The following LAMA4 variants were observed in gnomAD, a reference collection of about 807,000 sequenced individuals.
LAMA4 encodes laminin subunit alpha-4.
Under a neutral mutation model 207.1 loss-of-function variants are expected in LAMA4, and 127 were observed. The observed-to-expected ratio is 0.61, with a 90% confidence interval of 0.53 to 0.71. The LOEUF (loss-of-function observed/expected upper bound fraction) is 0.71. Ranked by LOEUF, LAMA4 falls within the 30% of genes least tolerant of loss-of-function variation. The pLI, the probability that LAMA4 is intolerant of heterozygous loss-of-function variation, is 0.00. For synonymous variants in LAMA4, 761 were observed against 816.0 expected (o/e 0.93, Z 1.15); for missense variants, 2,093 against 2,246.5 (o/e 0.93, Z 1.38).
At chr6:112,253,718 T>C in intron 2 of LAMA4, 1 of 1,602,100 alleles carries the variant, frequency 6.2e-7, no homozygotes, top group East Asian at 2.2e-5. Context: ...CACCAACACA[T>C]GCACTCTCAC....
intron 16 of LAMA4, 136 bp from the exon 17 acceptor site, chr6:112,150,763 A>C (rs1179678872): frequency 1.4e-6 from 1 of 728,566 alleles, no homozygotes; most frequent in African/African-American, 1.7e-5. Flanking sequence ...CTCTGAACAT[A>C]GATCAACAAT....
chr6:112,167,389 A>G (rs1490838088), intron 12 of LAMA4, among the ~76,000 whole-genome samples: 1 of 152,150 alleles, frequency 6.6e-6, no homozygotes, highest in Non-Finnish European at 1.5e-5. Context: ...GTGACAGAGT[A>G]AGACTGTGTC....
chr6:112,174,102 T>C (rs1781877165), intron 11 of LAMA4, among the ~76,000 whole-genome samples: 1 of 152,236 alleles, frequency 6.6e-6, no homozygotes, highest in Non-Finnish European at 1.5e-5. Context: ...CTTCCATTGA[T>C]TGTGTAGATT....
At chr6:112,246,017 A>G (rs576261014) in intron 2 of LAMA4, among the ~76,000 whole-genome samples, 154 of 152,326 alleles carry the variant, frequency 1.0e-3, no homozygotes, top group African/African-American at 3.5e-3. Context: ...ACTCAGATTC[A>G]GAGCCGAACT....
intron 2 of LAMA4, among the ~76,000 whole-genome samples, chr6:112,217,460 C>T (rs1239553067): frequency 6.6e-6 from 1 of 152,142 alleles, no homozygotes; most frequent in Non-Finnish European, 1.5e-5. Context: ...GATTTCACAT[C>T]ATACACCCCC....
At position 112,129,784 on chromosome 6, in the gene LAMA4, T is replaced by C. The variant is rs545198537; in HGVS notation, c.4133+92A>G. The C allele has an allele frequency of 6.7e-6, 7 of 1,040,380 alleles. No individual in the cohort carries two copies. The South Asian group carries it at 8.6e-5, about 13-fold the overall frequency. The allele number at this position is 1,040,380 out of a possible 1,614,324, so 64.4% of individuals were successfully genotyped here. On this transcript the variant is annotated intron_variant, in intron 30 of 38. Coordinates refer to ENST00000230538, the MANE Select transcript of LAMA4 (RefSeq NM_001105206.3). ...AATTACTATCCCCTAATGCCTCAGA[T>C]ACATTTCATAGTTCTCAGTTTTAAT...
intron 2 of LAMA4, among the ~76,000 whole-genome samples, chr6:112,240,725 A>AT (rs1267512721): frequency 1.3e-5 from 2 of 152,032 alleles, no homozygotes; most frequent in African/African-American, 4.8e-5. Context: ...GCTGGATCTC[A>AT]TTTTTTTATG....
intron 2 of LAMA4, chr6:112,219,005 T>A (rs1399482625): frequency 6.6e-6 from 1 of 152,236 alleles, no homozygotes; most frequent in East Asian, 1.9e-4. Context: ...CTCCCTGGAA[T>A]GGAGTTTTTA....
At chr6:112,200,131 A>G (rs1783649228) in intron 5 of LAMA4, 1 of 533,206 alleles carries the variant, frequency 1.9e-6, no homozygotes, top group Non-Finnish European at 3.8e-6. Context: ...GAAATATCTT[A>G]CCGAGTCATT....
At chr6:112,189,266 AT>A in intron 6 of LAMA4, 61 bp from the exon 7 acceptor site, 1 of 1,183,458 alleles carries the variant, frequency 8.4e-7, no homozygotes, top group East Asian at 2.4e-5. Context: ...ATATGGCAAT[AT>A]TTTCCTGGTT....
intron 2 of LAMA4, among the ~76,000 whole-genome samples, chr6:112,232,532 T>C (rs868973903): frequency 6.6e-6 from 1 of 152,244 alleles, no homozygotes; most frequent in Non-Finnish European, 1.5e-5. Context: ...ATAAATAGCA[T>C]AATGTGTACA....
intron 3 of LAMA4, among the ~76,000 whole-genome samples, chr6:112,209,125 G>A (rs1784227845): frequency 1.3e-5 from 2 of 152,156 alleles, no homozygotes; most frequent in Admixed American, 1.3e-4. Context: ...AAAAACCAAT[G>A]AGCCTTACCC....
In LAMA4 at chr6:112,191,548, T is replaced by A. The variant is rs1208343262; in HGVS notation, c.718+88A>T. The A allele has an allele frequency of 2.1e-5, 21 of 991,888 alleles. No homozygotes were observed. The Middle Eastern group carries it at 1.2e-3, about 56-fold the overall frequency. 61.4% of individuals were successfully genotyped at this position (991,888 alleles called of 1,614,324 possible). ...AGTGACAAGGGGGCACTCACAATACTTCCCCAAGAGAAATTCTTCATCTAA... is the reference window on the plus strand; with the variant it reads ...AGTGACAAGGGGGCACTCACAATACATCCCCAAGAGAAATTCTTCATCTAA... On this transcript the variant is annotated intron_variant, in intron 6 of 38. Coordinates refer to ENST00000230538, the MANE Select transcript of LAMA4 (RefSeq NM_001105206.3).
In LAMA4 at chr6:112,117,714, A is replaced by G. The variant is rs587730298; in HGVS notation, c.4981+25T>C. ...TCCAGGAAGAAGCATTTCATGACTCATATTTTTAACATGACTAATGTTACC... is the reference window on the plus strand; with the variant it reads ...TCCAGGAAGAAGCATTTCATGACTCGTATTTTTAACATGACTAATGTTACC... On this transcript the variant is annotated intron_variant, in intron 35 of 38. Coordinates refer to ENST00000230538, the MANE Select transcript of LAMA4 (RefSeq NM_001105206.3). This position sits in a 1 kb window ranked among gnomAD's most constrained non-coding sequence, Gnocchi z 4.5. 12 of 1,607,510 alleles carry G rather than the reference A, an allele frequency of 7.5e-6. No homozygotes were observed. In the South Asian group the frequency reaches 9.9e-5, roughly 13 times the overall value.
In LAMA4 at chr6:112,190,871, TTTTCTTTCTTTCTTTCTTTCTTTCTTTC is replaced by T. The variant is rs1173465019; in HGVS notation, c.718+737_718+764del. ...CTGATTTGAACCATGCAAGGTTTCT[TTTTCTTTCTTTCTTTCTTTCTTTCTTTC>T]TTTCTTTCTTTCTTTCTTTCTTTCT... On this transcript the variant is annotated intron_variant, in intron 6 of 38. Coordinates refer to ENST00000230538, the MANE Select transcript of LAMA4 (RefSeq NM_001105206.3). 1.4e-3 allele frequency among the ~76,000 whole-genome samples: 131 copies of T among 91,592 alleles called. 1 individual carries two copies. Among genetic ancestry groups the T allele is most frequent in the Non-Finnish European group, 2.0e-3 (85 of 43,440 alleles). The allele number at this position is 91,592 out of a possible 152,430, so 60.1% of individuals were successfully genotyped here.
Position 112,190,949 on chromosome 6 carries a change from TTTCTTTC to T in LAMA4, c.718+680_718+686del, listed in dbSNP as rs1562714855. On this transcript the variant is annotated intron_variant, in intron 6 of 38. Transcript: ENST00000230538. ...TTTCTTTCTTTCTTTCTTTCTTTCC[TTTCTTTC>T]TTTCTTTCTTTCTTTCTTTCTTTCT... is the stretch of plus-strand genomic sequence containing the variant. Among the ~76,000 whole-genome samples the T allele has an allele frequency of 9.5e-4, 82 of 86,352 alleles. 1 individual carries two copies. Among genetic ancestry groups the T allele is most frequent in the Non-Finnish European group, 1.2e-3 (48 of 39,178 alleles). The allele number at this position is 86,352 out of a possible 152,430, so 56.7% of individuals were successfully genotyped here.
At chr6:112,211,644 C>T (rs564654894) in intron 3 of LAMA4, among the ~76,000 whole-genome samples, 2 of 152,258 alleles carry the variant, frequency 1.3e-5, no homozygotes, top group East Asian at 1.9e-4. Context: ...GGAAAGGCAG[C>T]TTTTAGCTCT....
At chr6:112,170,527 G>T (rs1329088166) in intron 12 of LAMA4, among the ~76,000 whole-genome samples, 2 of 152,186 alleles carry the variant, frequency 1.3e-5, no homozygotes, top group African/African-American at 2.4e-5. Context: ...AGGATGAGAA[G>T]AATCACTTAT....
intron 2 of LAMA4, among the ~76,000 whole-genome samples, chr6:112,247,527 A>C (rs1348878209): frequency 2.0e-5 from 3 of 152,188 alleles, no homozygotes; most frequent in African/African-American, 7.2e-5. Context: ...ACAACAAAAC[A>C]AAACAAAACC....
Sources: gnomAD v4.1 joint callset for allele counts (sites outside exome capture counted in the v4.1 genomes callset) on GRCh38, gnomAD v4.1.1 for gene constraint, Gnocchi (gnomAD v3.1) non-coding constraint, MANE v1.5 for transcripts, NCBI Gene and HGNC (gene_info 2026-07-23, HGNC 2026-07-21) for gene names.